Variants in LRBA observed in about 807,000 individuals in gnomAD.
The protein encoded by LRBA is LPS responsive beige-like anchor protein.
A neutral mutation model predicts 330.0 loss-of-function variants in LRBA; 176 were observed. That is an observed-to-expected ratio of 0.53 (90% CI 0.47 to 0.60). The LOEUF (loss-of-function observed/expected upper bound fraction) is 0.60. LRBA is among the 20% of genes least tolerant of loss of function. The pLI is 0.00. For missense variants in LRBA, 3,259 were observed against 3,444.8 expected (o/e 0.95, Z 1.35); for synonymous variants, 1,230 against 1,193.0 (o/e 1.03, Z -0.64).
chr4:150,541,824 G>C (rs1765344475), intron 40 of LRBA, among the ~76,000 whole-genome samples: 1 of 151,972 alleles, frequency 6.6e-6, no homozygotes, highest in African/African-American at 2.4e-5. Flanking sequence ...AGCAATAGGT[G>C]CACACTATCA....
intron 40 of LRBA, among the ~76,000 whole-genome samples, chr4:150,542,471 C>A: frequency 6.6e-6 from 1 of 152,014 alleles, no homozygotes; most frequent in Non-Finnish European, 1.5e-5. Flanking sequence ...AAGCACTTAC[C>A]ATATACCAGA....
At chr4:150,948,065 A>C (rs1736424854) in intron 2 of LRBA, among the ~76,000 whole-genome samples, 1 of 152,088 alleles carries the variant, frequency 6.6e-6, no homozygotes, top group South Asian at 2.1e-4. Flanking sequence ...CAAAACTGAT[A>C]TATAGATCTA....
intron 2 of LRBA, among the ~76,000 whole-genome samples, chr4:150,953,051 T>G (rs943281888): frequency 1.3e-5 from 2 of 152,204 alleles, no homozygotes; most frequent in African/African-American, 2.4e-5. Context: ...AGTGTTAATG[T>G]GTTCATAGCC....
At chr4:150,534,635 C>G (rs1764446184) in intron 40 of LRBA, among the ~76,000 whole-genome samples, 1 of 151,934 alleles carries the variant, frequency 6.6e-6, no homozygotes, top group Non-Finnish European at 1.5e-5. Context: ...CTACAAAAAG[C>G]TGTAAGAACA....
chr4:150,534,377 AT>A (rs1019647513), intron 40 of LRBA, among the ~76,000 whole-genome samples: 1 of 134,138 alleles, frequency 7.5e-6, no homozygotes, highest in African/African-American at 2.7e-5. Flanking sequence ...AATAATAATA[AT>A]TTTTTTTAAA....
chr4:150,966,703 A>G (rs1170687693), intron 2 of LRBA, among the ~76,000 whole-genome samples: 1 of 152,116 alleles, frequency 6.6e-6, no homozygotes, highest in Non-Finnish European at 1.5e-5. Context: ...GTATTATAAA[A>G]CCAAGAAGGT....
intron 40 of LRBA, among the ~76,000 whole-genome samples, chr4:150,577,421 A>T (rs78833031): frequency 0.065 from 3,103 of 47,954 alleles, 89 homozygotes; most frequent in African/African-American, 0.13. Flanking sequence ...TCATTTTTTT[A>T]AAAAAAAAAA....
rs769511101 is a variant in LRBA at position 150,914,341 on chromosome 4, T to C, written c.1015A>G (p.Thr339Ala). 2 of 1,476,672 alleles carry C rather than the reference T, an allele frequency of 1.4e-6. No homozygotes were observed. The highest frequency in any genetic ancestry group is 1.5e-5 in the South Asian group (1 of 66,858). The allele number at this position is 1,476,672 out of a possible 1,614,324, so 91.5% of individuals were successfully genotyped here. A position where few individuals can be genotyped will look rare whatever the true frequency, so the allele number is the denominator to read the frequency against. The change falls in exon 9 of 57, where the codon ACC becomes GCC. Residue 339 changes from threonine (T) to alanine (A), a missense_variant and splice_region_variant. Coordinates refer to ENST00000651943, the MANE Select transcript of LRBA (RefSeq NM_001364905.1). ...EITWFVNTSD[T>A]FDKCFLGSSE... ...GAGCCCAGGAAACATTTGTCAAAGG[T>C]CTGTAAAAGAAAAAAAAAAAGGAAT...
chr4:150,802,347 T>TG (rs1344134866), intron 33 of LRBA, among the ~76,000 whole-genome samples: 3 of 150,506 alleles, frequency 2.0e-5, no homozygotes, highest in Non-Finnish European at 4.4e-5. Flanking sequence ...CTAGCATTCG[T>TG]GGGTTTTTTT....
rs1203269963 is a variant in LRBA at position 150,488,883 on chromosome 4, TAATATATACACACACATAAG to T, written c.6449-1069_6449-1050del. On this transcript the variant is annotated intron_variant, in intron 41 of 56. Coordinates refer to ENST00000651943, the MANE Select transcript of LRBA (RefSeq NM_001364905.1). Reference sequence around the variant, plus strand: ...ACCTATAACATATTTAGTAATGTCATAATATATACACACACATAAGAATATATACACACACATAAGAATAT... The same window carrying T: ...ACCTATAACATATTTAGTAATGTCATAATATATACACACACATAAGAATAT... 1.3e-4 allele frequency among the ~76,000 whole-genome samples: 19 copies of T among 144,362 alleles called. 1 individual carries two copies. The highest frequency in any genetic ancestry group is 1.3e-3 in the South Asian group (6 of 4,680). The allele number at this position is 144,362 out of a possible 152,430, so 94.7% of individuals were successfully genotyped here.
intron 40 of LRBA, among the ~76,000 whole-genome samples, chr4:150,514,223 C>A (rs1762110310): frequency 1.3e-5 from 2 of 151,952 alleles, no homozygotes; most frequent in Admixed American, 6.6e-5. Context: ...CAGGCATGTG[C>A]CACCACGCCC....
intron 17 of LRBA, among the ~76,000 whole-genome samples, chr4:150,891,597 G>A (rs1204641352): frequency 6.6e-6 from 1 of 152,164 alleles, no homozygotes; most frequent in Non-Finnish European, 1.5e-5. Context: ...GACTTGAACT[G>A]CAACATCAAC....
At chr4:150,904,550 CAACT>C (rs1464497851) in intron 13 of LRBA, among the ~76,000 whole-genome samples, 1 of 151,836 alleles carries the variant, frequency 6.6e-6, no homozygotes, top group Non-Finnish European at 1.5e-5. Context: ...AATTCCCCTC[CAACT>C]AAGTATCTAA....
At chr4:150,720,367 A>G (rs1452231954) in intron 36 of LRBA, among the ~76,000 whole-genome samples, 1 of 152,152 alleles carries the variant, frequency 6.6e-6, no homozygotes, top group Admixed American at 6.6e-5. Context: ...TGAACAACAT[A>G]ACAAAAACAT....
chr4:150,908,236 T>A lies in LRBA; in HGVS notation c.1493+98A>T. The A allele has an allele frequency of 5.0e-6, 6 of 1,199,600 alleles. No homozygotes were observed. In the South Asian group the frequency reaches 8.8e-5, roughly 18 times the overall value. 74.3% of individuals were successfully genotyped at this position (1,199,600 alleles called of 1,614,324 possible). A position where few individuals can be genotyped will look rare whatever the true frequency, so the allele number is the denominator to read the frequency against. On this transcript the variant is annotated intron_variant, in intron 11 of 56. Transcript: ENST00000651943. ...TTTATAGTTCACAAGTTTAAATTATTTTGACACAACAAAACCTGAAAGGCA... is the reference window on the plus strand; with the variant it reads ...TTTATAGTTCACAAGTTTAAATTATATTGACACAACAAAACCTGAAAGGCA...
chr4:150,324,171 G>A (rs1031586629), intron 49 of LRBA, among the ~76,000 whole-genome samples: 1 of 152,124 alleles, frequency 6.6e-6, no homozygotes, highest in African/African-American at 2.4e-5. Context: ...GAGCCAATAA[G>A]CCTCTGCCAT....
intron 7 of LRBA, 49 bp from the exon 8 acceptor site, chr4:150,915,776 A>G: frequency 6.6e-7 from 1 of 1,514,848 alleles, no homozygotes; most frequent in African/African-American, 1.4e-5. Flanking sequence ...AATTATCCCA[A>G]TAACGCAACC....
intron 37 of LRBA, among the ~76,000 whole-genome samples, chr4:150,643,379 C>A (rs1778857230): frequency 6.6e-6 from 1 of 151,808 alleles, no homozygotes; most frequent in Non-Finnish European, 1.5e-5. Context: ...CATGTTAATG[C>A]AGGCTAAGAG....
intron 2 of LRBA, among the ~76,000 whole-genome samples, chr4:150,956,457 C>A (rs1227229400): frequency 1.3e-5 from 2 of 148,778 alleles, no homozygotes; most frequent in South Asian, 4.2e-4. Flanking sequence ...CATTTAAAGA[C>A]AAATTAATAC....
Sources: allele counts gnomAD v4.1 joint callset (sites outside exome capture counted in the v4.1 genomes callset), GRCh38; gene constraint gnomAD v4.1.1; transcripts MANE v1.5; gene names NCBI Gene and HGNC (gene_info 2026-07-23, HGNC 2026-07-21).